The following MEF2A variants were observed in gnomAD, a reference collection of about 807,000 sequenced individuals.
The protein encoded by MEF2A is myocyte-specific enhancer factor 2A.
A neutral mutation model predicts 55.8 loss-of-function variants in MEF2A; 28 were observed. That is an observed-to-expected ratio of 0.50 (90% CI 0.37 to 0.69). The LOEUF (loss-of-function observed/expected upper bound fraction) is 0.69. Among genes scored for constraint, MEF2A ranks in the 30% least tolerant of loss-of-function variants. MEF2A has a pLI of 0.00. For missense variants in MEF2A, 528 were observed against 626.2 expected (o/e 0.84, Z 1.67); for synonymous variants, 239 against 227.1 (o/e 1.05, Z -0.47).
At chr15:99,624,839 TCA>T (rs2041816441) in intron 2 of MEF2A, among the ~76,000 whole-genome samples, 1 of 152,226 alleles carries the variant, frequency 6.6e-6, no homozygotes. Flanking sequence ...TATTCTTTCA[TCA>T]GTGTTTTTTA....
At chr15:99,579,126 ATGT>A (rs1312481976) in intron 1 of MEF2A, among the ~76,000 whole-genome samples, 1 of 152,124 alleles carries the variant, frequency 6.6e-6, no homozygotes, top group African/African-American at 2.4e-5. Context: ...TTCTGTACTA[ATGT>A]TGTATTTTTT....
rs1217429693 is a variant in MEF2A, at chr15:99,687,152, C to T, written c.671-3089C>T. ...CCATGTTGCCCAGGCTGGTTTTGAACTGGGCTCAAGCGATCTGCCCACCTC... is the reference window on the plus strand; with the variant it reads ...CCATGTTGCCCAGGCTGGTTTTGAATTGGGCTCAAGCGATCTGCCCACCTC... On this transcript the variant is annotated intron_variant, in intron 7 of 11. Transcript: ENST00000557942. Among the ~76,000 whole-genome samples, 10 of 119,532 alleles carry T rather than the reference C, an allele frequency of 8.4e-5. No individual in the cohort carries two copies. The Admixed American group carries it at 1.2e-3, about 14-fold the overall frequency. 78.4% of individuals were successfully genotyped at this position (119,532 alleles called of 152,430 possible).
intron 2 of MEF2A, among the ~76,000 whole-genome samples, chr15:99,628,065 T>G (rs184741030): frequency 5.8e-4 from 88 of 152,346 alleles, no homozygotes; most frequent in Non-Finnish European, 1.2e-3. Context: ...TTATGGTTTT[T>G]GCACAGAATA....
intron 1 of MEF2A, among the ~76,000 whole-genome samples, chr15:99,589,806 C>T (rs1968635774): frequency 6.6e-6 from 1 of 151,972 alleles, no homozygotes; most frequent in South Asian, 2.1e-4. Context: ...ATGTCCCCCC[C>T]CAAAAAAGTG....
intron 4 of MEF2A, among the ~76,000 whole-genome samples, chr15:99,667,503 G>A (rs950289158): frequency 5.3e-5 from 8 of 152,106 alleles, no homozygotes; most frequent in African/African-American, 1.9e-4. Flanking sequence ...GATTACAGGC[G>A]TCAGCCACCG....
intron 2 of MEF2A, among the ~76,000 whole-genome samples, chr15:99,621,965 T>TG (rs1380396920): frequency 6.6e-6 from 1 of 152,056 alleles, no homozygotes; most frequent in African/African-American, 2.4e-5. Context: ...AAAAGTAAAG[T>TG]TTACCCCCTG....
At chr15:99,647,116 C>T (rs1362742792) in intron 4 of MEF2A, among the ~76,000 whole-genome samples, 1 of 151,968 alleles carries the variant, frequency 6.6e-6, no homozygotes, top group African/African-American at 2.4e-5. Context: ...TATTATTTAG[C>T]AGTTATGTTA....
intron 3 of MEF2A, among the ~76,000 whole-genome samples, chr15:99,636,240 C>T (rs2153429871): frequency 6.6e-6 from 1 of 152,210 alleles, no homozygotes; most frequent in Non-Finnish European, 1.5e-5. Flanking sequence ...GGGCTGCCTG[C>T]TTTTTTCTTA....
chr15:99,645,869 G>T, intron 4 of MEF2A, 105 bp downstream of exon 4: 2 of 779,244 alleles, frequency 2.6e-6, no homozygotes, highest in Non-Finnish European at 4.0e-6. Context: ...TAAATTAGGT[G>T]TATATGTATC....
intron 4 of MEF2A, among the ~76,000 whole-genome samples, chr15:99,654,228 A>G (rs2047309279): frequency 6.6e-6 from 1 of 152,140 alleles, no homozygotes; most frequent in African/African-American, 2.4e-5. Context: ...AGACTCTCAA[A>G]TCCTACTTAA....
At chr15:99,608,471 A>C (rs1975920466) in intron 2 of MEF2A, among the ~76,000 whole-genome samples, 1 of 152,188 alleles carries the variant, frequency 6.6e-6, no homozygotes, top group Non-Finnish European at 1.5e-5. Flanking sequence ...GAGAAATCCA[A>C]ATTAAAATAG....
upstream of MEF2A, chr15:99,565,958 C>G (rs1815163014): frequency 6.6e-6 from 1 of 152,264 alleles, no homozygotes; most frequent in Admixed American, 6.5e-5. Flanking sequence ...CGAGGCTTGT[C>G]TCCTAAAAAT....
At chr15:99,688,959 C>CAG (rs767368700) in intron 7 of MEF2A, among the ~76,000 whole-genome samples, 1 of 151,992 alleles carries the variant, frequency 6.6e-6, no homozygotes, top group African/African-American at 2.4e-5. Flanking sequence ...GGGAGGGTTG[C>CAG]AGAGAGTCAG....
At chr15:99,602,044 C>G (rs183501433) in intron 2 of MEF2A, among the ~76,000 whole-genome samples, 2 of 152,076 alleles carry the variant, frequency 1.3e-5, no homozygotes, top group Admixed American at 1.3e-4. Context: ...CTACGGCAAC[C>G]TCAGTTCTTG....
At chr15:99,660,263 G>A (rs1340068759) in intron 4 of MEF2A, among the ~76,000 whole-genome samples, 7 of 152,116 alleles carry the variant, frequency 4.6e-5, no homozygotes, top group Non-Finnish European at 1.0e-4. Flanking sequence ...GTGCAATGGC[G>A]TGATCTTGGC....
intron 8 of MEF2A, among the ~76,000 whole-genome samples, chr15:99,695,466 G>T (rs1048857555): frequency 1.3e-5 from 2 of 151,896 alleles, no homozygotes; most frequent in Admixed American, 1.3e-4. Flanking sequence ...GCAAGATAAT[G>T]GTAGCTTTTA....
chr15:99,603,543 T>TTGTGTGTGTGTGTGTGTG (rs1300288383), intron 2 of MEF2A, among the ~76,000 whole-genome samples: 4,528 of 126,336 alleles, frequency 0.036, 145 homozygotes, highest in East Asian at 0.087. Context: ...CTGGCTGATT[T>TTGTGTGTGTGTGTGTGTG]TGTGTGTGTG....
At position 99,710,714 on chromosome 15, in the gene MEF2A, G is replaced by C; in HGVS notation, c.1090G>C (p.Ala364Pro). 6.2e-7 allele frequency: 1 copy of C among 1,613,162 alleles called. No homozygotes were observed. Among genetic ancestry groups the C allele is most frequent in the Non-Finnish European group, 8.5e-7 (1 of 1,179,186 alleles). ...PGMLSLGQVS[A>P]WQQHHLGQAA... ...AATGCTGTCGCTGGGACAGGTGTCG[G>C]CCTGGCAGCAGCACCACCTAGGACA... Residue 364 changes from alanine to proline, a missense_variant, in exon 11 of 12, where the codon GCC becomes CCC. Ala to Pro is a conservative substitution (Grantham distance 27). Around this residue, in one of 2 missense-constraint regions of MEF2A, gnomAD observed 450 missense variants for 475.3 expected, o/e 0.95. Coordinates refer to ENST00000557942, the MANE Select transcript of MEF2A (RefSeq NM_001319206.4).
chr15:99,590,381 A>AT (rs1968858506), intron 1 of MEF2A, among the ~76,000 whole-genome samples: 1 of 150,088 alleles, frequency 6.7e-6, no homozygotes, highest in African/African-American at 2.5e-5. Context: ...TAGACAACAT[A>AT]TATATAGTTG....
Sources: allele counts gnomAD v4.1 joint callset (sites outside exome capture counted in the v4.1 genomes callset), GRCh38; gene constraint gnomAD v4.1.1; regional missense constraint gnomAD v4.1.1; transcripts MANE v1.5; gene names NCBI Gene and HGNC (gene_info 2026-07-23, HGNC 2026-07-21).